Variants in ACOXL observed in about 807,000 individuals in gnomAD.
ACOXL encodes the protein acyl-CoA oxidase like, also known as acyl-coenzyme A oxidase-like protein.
ACOXL carries 70 observed loss-of-function variants against 71.9 expected under a neutral mutation model. That is an observed-to-expected ratio of 0.97 (90% confidence interval 0.80 to 1.19). The LOEUF is 1.19. Ranked by LOEUF, ACOXL falls within the 50% of genes most tolerant of loss-of-function variation. The pLI, the probability that ACOXL is intolerant of heterozygous loss-of-function variation, is 0.00. For missense variants in ACOXL, 703 were observed against 736.3 expected (o/e 0.95, Z 0.52); for synonymous variants, 253 against 281.6 (o/e 0.90, Z 1.02).
intron 16 of ACOXL, among the ~76,000 whole-genome samples, chr2:111,084,960 A>T (rs2068131934): frequency 6.6e-6 from 1 of 152,074 alleles, no homozygotes; most frequent in Non-Finnish European, 1.5e-5. Context: ...ACTTTAAACC[A>T]ACAAAAATTT....
chr2:110,968,037 T>C, intron 12 of ACOXL: 1 of 1,096,668 alleles, frequency 9.1e-7, no homozygotes. Flanking sequence ...CTTATGCCCG[T>C]ATAGAGGGGG....
At chr2:110,964,255 C>A (rs1558797330) in intron 12 of ACOXL, among the ~76,000 whole-genome samples, 1 of 152,106 alleles carries the variant, frequency 6.6e-6, no homozygotes, top group Non-Finnish European at 1.5e-5. Flanking sequence ...CTTTAAGGCA[C>A]AAACATTTTC....
intron 12 of ACOXL, among the ~76,000 whole-genome samples, chr2:110,972,283 G>C (rs1199351828): frequency 6.6e-6 from 1 of 152,184 alleles, no homozygotes; most frequent in Non-Finnish European, 1.5e-5. Context: ...GGCCTAGGCT[G>C]GGGAAGGAAC....
chr2:110,880,816 G>A (rs1421996252), intron 10 of ACOXL, among the ~76,000 whole-genome samples: 1 of 152,114 alleles, frequency 6.6e-6, no homozygotes, highest in African/African-American at 2.4e-5. Context: ...CTGTCTCAAT[G>A]ATAACAACAA....
chr2:110,781,748 G>A (rs530574895), intron 2 of ACOXL, among the ~76,000 whole-genome samples: 3 of 152,264 alleles, frequency 2.0e-5, no homozygotes, highest in Admixed American at 1.3e-4. Flanking sequence ...GGAGGTGAGA[G>A]TCTTGCTTAG....
intron 14 of ACOXL, among the ~76,000 whole-genome samples, chr2:111,008,124 TTTAA>T (rs1238793079): frequency 2.0e-5 from 3 of 152,176 alleles, no homozygotes; most frequent in African/African-American, 7.2e-5. Flanking sequence ...CCGAAGTTTC[TTTAA>T]TTAGCCTTTT....
intron 12 of ACOXL, among the ~76,000 whole-genome samples, chr2:110,966,591 G>T (rs1179589553): frequency 6.6e-6 from 1 of 152,268 alleles, no homozygotes; most frequent in African/African-American, 2.4e-5. Flanking sequence ...AGGGGATTTA[G>T]TGGGGAGCTG....
intron 14 of ACOXL, among the ~76,000 whole-genome samples, chr2:111,013,522 CAAAAAAAAAAAA>C (rs56905916): frequency 1.0e-5 from 1 of 95,526 alleles, no homozygotes; most frequent in Non-Finnish European, 2.1e-5. Context: ...GACCCTGTCT[CAAAAAAAAAAAA>C]AAAAAAAAAA....
At chr2:110,975,705 G>A (rs142922220) in intron 12 of ACOXL, among the ~76,000 whole-genome samples, 10 of 152,176 alleles carry the variant, frequency 6.6e-5, no homozygotes, top group African/African-American at 2.2e-4. Flanking sequence ...AGTAACCCTA[G>A]GGATGTGTGG....
At position 111,090,719 on chromosome 2, in the gene ACOXL, T is replaced by C. The variant is rs59705318; in HGVS notation, c.1441-2146T>C. On this transcript the variant is annotated intron_variant, in intron 16 of 17. Coordinates refer to ENST00000439055, the MANE Select transcript of ACOXL (RefSeq NM_001142807.4). ...CCAGTTAGCAGCTTGTTGGGAGCTC[T>C]CTGTGATCAAGCAGGCTTTGGCTTG... Among the ~76,000 whole-genome samples the C allele has an allele frequency of 7.9e-3, 1,201 of 152,294 alleles. 15 individuals carry two copies. Among genetic ancestry groups the C allele is most frequent in the East Asian group, 0.047 (243 of 5,188 alleles).
intron 11 of ACOXL, among the ~76,000 whole-genome samples, chr2:110,924,137 A>G (rs1251880645): frequency 6.6e-6 from 1 of 152,228 alleles, no homozygotes; most frequent in Non-Finnish European, 1.5e-5. Flanking sequence ...ATGTCTAAAA[A>G]ATATACATAC....
chr2:110,794,007 T>C, intron 4 of ACOXL, 69 bp from the exon 5 acceptor site: 1 of 1,488,912 alleles, frequency 6.7e-7, no homozygotes, highest in Non-Finnish European at 9.4e-7. Flanking sequence ...TTCTTAATGG[T>C]CCGAGGGGTC....
At chr2:111,071,147 G>A (rs536461106) in intron 16 of ACOXL, among the ~76,000 whole-genome samples, 2 of 152,234 alleles carry the variant, frequency 1.3e-5, no homozygotes, top group Non-Finnish European at 2.9e-5. Context: ...AGACTATTGA[G>A]CAGGTTGGAT....
chr2:110,948,858 C>T (rs2061219525), intron 12 of ACOXL, among the ~76,000 whole-genome samples: 1 of 151,988 alleles, frequency 6.6e-6, no homozygotes, highest in Non-Finnish European at 1.5e-5. Flanking sequence ...CAGAGACAGT[C>T]ATTCGGGGGT....
At chr2:111,083,855 C>T (rs1401011939) in intron 16 of ACOXL, among the ~76,000 whole-genome samples, 3 of 152,178 alleles carry the variant, frequency 2.0e-5, no homozygotes, top group Middle Eastern at 3.4e-3. Context: ...TTTTAGCTTT[C>T]GGAATTATTA....
At chr2:110,959,073 G>A (rs2061605402) in intron 12 of ACOXL, among the ~76,000 whole-genome samples, 1 of 152,252 alleles carries the variant, frequency 6.6e-6, no homozygotes, top group Admixed American at 6.5e-5. Flanking sequence ...GGCAGATGGA[G>A]TTCCAGGGAC....
intron 9 of ACOXL, among the ~76,000 whole-genome samples, chr2:110,834,957 T>C (rs1313914069): frequency 6.6e-6 from 1 of 152,222 alleles, no homozygotes; most frequent in East Asian, 1.9e-4. Flanking sequence ...AGGTAGTGCC[T>C]GGGTCAGGCT....
At chr2:110,889,583 A>G (rs1467126414) in intron 10 of ACOXL, among the ~76,000 whole-genome samples, 1 of 152,228 alleles carries the variant, frequency 6.6e-6, no homozygotes, top group Non-Finnish European at 1.5e-5. Context: ...TTTTAATAAA[A>G]TCATATAATA....
chr2:110,812,076 G>A (rs957656288), intron 9 of ACOXL, among the ~76,000 whole-genome samples: 1 of 152,134 alleles, frequency 6.6e-6, no homozygotes, highest in African/African-American at 2.4e-5. Flanking sequence ...TTTAAAAAGT[G>A]TCAACATAAG....
Sources: allele counts gnomAD v4.1 joint callset (sites outside exome capture counted in the v4.1 genomes callset), GRCh38; gene constraint gnomAD v4.1.1; transcripts MANE v1.5; gene names NCBI Gene and HGNC (gene_info 2026-07-23, HGNC 2026-07-21).